The following EPB41L2 variants were observed in gnomAD, a reference collection of about 807,000 sequenced individuals.
EPB41L2 encodes the protein erythrocyte membrane protein band 4.1 like 2.
A neutral mutation model predicts 113.0 loss-of-function variants in EPB41L2; 43 were observed. The observed-to-expected ratio is 0.38, with a 90% CI of 0.30 to 0.49. EPB41L2 has a LOEUF of 0.49. Among genes scored for constraint, EPB41L2 ranks in the 20% least tolerant of loss-of-function variants. The pLI, the probability that EPB41L2 is intolerant of heterozygous loss-of-function variation, is 0.95. For synonymous variants in EPB41L2, 442 were observed against 436.7 expected (o/e 1.01, Z -0.15); for missense variants, 1,147 against 1,223.4 (o/e 0.94, Z 0.93).
chr6:130,895,230 G>A (rs576293173), intron 8 of EPB41L2, 111 bp from the exon 9 acceptor site: 1,157 of 1,272,922 alleles, frequency 9.1e-4, no homozygotes, highest in Non-Finnish European at 8.9e-4. Context: ...TAACAGGTTT[G>A]TATTTAAAGT....
At chr6:131,036,626 A>C (rs978176951) in intron 1 of EPB41L2, among the ~76,000 whole-genome samples, 49 of 152,294 alleles carry the variant, frequency 3.2e-4, no homozygotes, top group Middle Eastern at 3.4e-3. Context: ...AGTCCCCTAA[A>C]GTCTCTAGGT....
chr6:130,930,033 A>T (rs184811860), intron 3 of EPB41L2, among the ~76,000 whole-genome samples: 1 of 152,142 alleles, frequency 6.6e-6, no homozygotes, highest in Non-Finnish European at 1.5e-5. Flanking sequence ...CCCATGAGTT[A>T]TATACACCAC....
chr6:131,023,242 T>C (rs1332971422), intron 1 of EPB41L2, among the ~76,000 whole-genome samples: 1 of 152,242 alleles, frequency 6.6e-6, no homozygotes, highest in Non-Finnish European at 1.5e-5. Context: ...TATTATTTCA[T>C]CTGCTACCCT....
intron 10 of EPB41L2, among the ~76,000 whole-genome samples, chr6:130,893,738 C>T (rs1793699884): frequency 6.6e-6 from 1 of 152,176 alleles, no homozygotes; most frequent in African/African-American, 2.4e-5. Flanking sequence ...TAATCCAGGA[C>T]TAGCAGACAG....
intron 1 of EPB41L2, among the ~76,000 whole-genome samples, chr6:131,043,905 A>T (rs2128186986): frequency 6.6e-6 from 1 of 152,334 alleles, no homozygotes. Context: ...GAGACAGATA[A>T]AAGAAAGCCA....
At chr6:130,929,900 C>CAT in intron 3 of EPB41L2, among the ~76,000 whole-genome samples, 1 of 146,446 alleles carries the variant, frequency 6.8e-6, no homozygotes, top group Non-Finnish European at 1.5e-5. Flanking sequence ...CACACACATA[C>CAT]ACGCACAGTC....
intron 1 of EPB41L2, among the ~76,000 whole-genome samples, chr6:130,976,193 T>C (rs1343907136): frequency 6.6e-6 from 1 of 152,178 alleles, no homozygotes; most frequent in Non-Finnish European, 1.5e-5. Context: ...GTCTATAAAA[T>C]TTTTTTAACG....
At chr6:131,048,146 A>G (rs200983492) in intron 1 of EPB41L2, among the ~76,000 whole-genome samples, 2 of 139,706 alleles carry the variant, frequency 1.4e-5, no homozygotes, top group Middle Eastern at 3.4e-3. Context: ...CTCAAAAAAA[A>G]AAAAAAAAAA....
chr6:130,878,240 T>A lies in EPB41L2; in HGVS notation c.1907A>T (p.Lys636Met). The change falls in exon 14 of 20, where the codon AAG becomes ATG. Residue 636 changes from lysine to methionine, a missense_variant. Lys to Met is a moderately conservative substitution (Grantham distance 95). Coordinates refer to ENST00000337057, the MANE Select transcript of EPB41L2 (RefSeq NM_001431.4). ...ATGTTTCAGTATGTCCTCCTGGGCC[T>A]TATCCAGTTCCTAGCAATATGTAAC... Reference protein sequence around the residue: ...HSNLMLEELDKAQEDILKHQA... With the variant: ...HSNLMLEELDMAQEDILKHQA... 2 of 1,610,454 alleles carry A rather than the reference T, an allele frequency of 1.2e-6. No homozygotes were observed. Among genetic ancestry groups the A allele is most frequent in the Non-Finnish European group, 1.7e-6 (2 of 1,178,720 alleles).
intron 1 of EPB41L2, among the ~76,000 whole-genome samples, chr6:130,972,963 A>T (rs1031210043): frequency 1.5e-5 from 2 of 132,040 alleles, no homozygotes; most frequent in Non-Finnish European, 3.3e-5. Context: ...AAAAAAAAAA[A>T]CAGCCGGGTG....
chr6:130,875,984 C>A (rs1336198818), intron 14 of EPB41L2, among the ~76,000 whole-genome samples: 62 of 128,396 alleles, frequency 4.8e-4, no homozygotes, highest in South Asian at 1.2e-3. Context: ...GAGTGCATCT[C>A]AAAAAAAAAA....
chr6:130,848,193 T>A (rs1777611704), intron 19 of EPB41L2, among the ~76,000 whole-genome samples: 1 of 111,744 alleles, frequency 8.9e-6, no homozygotes, highest in African/African-American at 4.7e-5. Flanking sequence ...TCTCTCTCTC[T>A]CTCTCTCACA....
intron 3 of EPB41L2, among the ~76,000 whole-genome samples, chr6:130,945,681 G>A (rs1812564571): frequency 6.6e-6 from 1 of 152,096 alleles, no homozygotes; most frequent in Admixed American, 6.5e-5. Flanking sequence ...AGAAATGGAG[G>A]AAGCAAATAT....
chr6:130,916,344 C>T lies in EPB41L2; in HGVS notation c.811-7481G>A, dbSNP rs545059552. On this transcript the variant is annotated intron_variant, in intron 4 of 19. Coordinates refer to ENST00000337057, the MANE Select transcript of EPB41L2 (RefSeq NM_001431.4). ...ATGAAAGTCTTGTCTTATGACATTT[C>T]CCCTACAACATTTTCATTACGGGTT... Among the ~76,000 whole-genome samples, 7 of 152,238 alleles carry T rather than the reference C, an allele frequency of 4.6e-5. No homozygotes were observed. The South Asian group carries it at 1.5e-3, about 32-fold the overall frequency.
chr6:131,051,463 A>ACACAC lies in EPB41L2; in HGVS notation c.-15+11691_-15+11692insGTGTG, dbSNP rs1554356230. Among the ~76,000 whole-genome samples the ACACAC allele has an allele frequency of 9.4e-5, 14 of 149,274 alleles. No homozygotes were observed. The East Asian group carries it at 3.2e-3, about 34-fold the overall frequency. On this transcript the variant is annotated intron_variant, in intron 1 of 19. Coordinates refer to ENST00000337057, the MANE Select transcript of EPB41L2 (RefSeq NM_001431.4). ...TCACAAAAGTAAAGCAAAAAAAAAA[A>ACACAC]AAACACACACACACACACACACAAC...
chr6:130,948,466 T>C (rs1813690595), intron 3 of EPB41L2, among the ~76,000 whole-genome samples: 1 of 152,026 alleles, frequency 6.6e-6, no homozygotes, highest in Non-Finnish European at 1.5e-5. Flanking sequence ...AACTCAAGTG[T>C]GTCTGTAATA....
chr6:131,039,214 G>A (rs542719529), intron 1 of EPB41L2, among the ~76,000 whole-genome samples: 2 of 152,294 alleles, frequency 1.3e-5, no homozygotes, highest in African/African-American at 2.4e-5. Flanking sequence ...GTTTAGCTAT[G>A]TTATGTTGGA....
chr6:131,027,190 A>G (rs1472334220), intron 1 of EPB41L2, among the ~76,000 whole-genome samples: 1 of 152,210 alleles, frequency 6.6e-6, no homozygotes, highest in East Asian at 1.9e-4. Flanking sequence ...TAAATTTTCT[A>G]TCTGTATCAG....
At position 130,869,571 on chromosome 6, in the gene EPB41L2, A is replaced by G; in HGVS notation, c.2599T>C (p.Cys867Arg). ...CTGGGACTCCCATTTACCTCTGAAC[A>G]ACAAATAATTTGTGGCAAAACATCA... ...DIDVLPQIIC[C>R]SEPPVVKTEM... is the part of the protein sequence containing the mutation. The change falls in exon 15 of 20, where the codon TGT becomes CGT. Residue 867 changes from cysteine (C) to arginine (R), a missense_variant. Transcript: ENST00000337057. 2 of 1,613,934 alleles carry G rather than the reference A, an allele frequency of 1.2e-6. No individual in the cohort carries two copies. The highest frequency in any genetic ancestry group is 1.7e-6 in the Non-Finnish European group (2 of 1,179,880).
Sources: gnomAD v4.1 joint callset for allele counts (sites outside exome capture counted in the v4.1 genomes callset) on GRCh38, gnomAD v4.1.1 for gene constraint, MANE v1.5 for transcripts, NCBI Gene and HGNC (gene_info 2026-07-23, HGNC 2026-07-21) for gene names.